Variants in SLC8A1 observed in about 807,000 individuals in gnomAD.
SLC8A1 encodes sodium/calcium exchanger 1.
Under a neutral mutation model 68.3 loss-of-function variants are expected in SLC8A1, and 18 were observed. The ratio of observed to expected loss-of-function variants is 0.26; its 90% CI spans 0.18 to 0.39. The LOEUF is 0.39. Among genes scored for constraint, SLC8A1 ranks in the 10% least tolerant of loss-of-function variants. The pLI is 1.00. For missense variants in SLC8A1, 985 were observed against 1,156.7 expected, an observed-to-expected ratio of 0.85 and a Z score of 2.15; for synonymous variants, 475 against 415.5, an observed-to-expected ratio of 1.14 and a Z score of -1.74.
chr2:40,398,791 G>C (rs1470753039), intron 2 of SLC8A1, among the ~76,000 whole-genome samples: 3 of 152,046 alleles, frequency 2.0e-5, no homozygotes, highest in Non-Finnish European at 2.9e-5. Context: ...TATAAACTAT[G>C]CTAGGATGAC....
chr2:40,169,434 C>T (rs927929660), intron 4 of SLC8A1, among the ~76,000 whole-genome samples: 2 of 152,104 alleles, frequency 1.3e-5, no homozygotes. Flanking sequence ...GTGACTGATA[C>T]AGACCCAAAT....
At chr2:40,239,212 AAGTGAACAC>A (rs1170626538) in intron 2 of SLC8A1, among the ~76,000 whole-genome samples, 17 of 152,198 alleles carry the variant, frequency 1.1e-4, no homozygotes, top group Admixed American at 7.9e-4. Flanking sequence ...TTTATTTAAA[AAGTGAACAC>A]AGTACCCCAA....
intron 7 of SLC8A1, among the ~76,000 whole-genome samples, chr2:40,135,068 C>G (rs1181374582): frequency 6.6e-6 from 1 of 152,000 alleles, no homozygotes; most frequent in Non-Finnish European, 1.5e-5. Flanking sequence ...CTAGTGCAAT[C>G]CAAAGAAAGG....
intron 7 of SLC8A1, among the ~76,000 whole-genome samples, chr2:40,123,529 A>AT (rs888135549): frequency 2.0e-5 from 3 of 151,490 alleles, no homozygotes; most frequent in Non-Finnish European, 2.9e-5. Flanking sequence ...ATGATGAACA[A>AT]TTTTTTTTTG....
intron 1 of SLC8A1, among the ~76,000 whole-genome samples, chr2:40,469,698 A>C (rs1703896985): frequency 6.6e-6 from 1 of 151,972 alleles, no homozygotes; most frequent in Non-Finnish European, 1.5e-5. Context: ...TTTTCTTTTC[A>C]TGGATTTCTC....
intron 1 of SLC8A1, among the ~76,000 whole-genome samples, chr2:40,499,825 A>G (rs1423958324): frequency 6.6e-6 from 1 of 152,122 alleles, no homozygotes; most frequent in Admixed American, 6.6e-5. Flanking sequence ...TCTGGAACAC[A>G]GTCTTTGCCT....
At chr2:40,107,285 A>AAAAAAAAAAAT (rs763206318) in exon 8 of SLC8A1, 3 of 143,422 alleles carry the variant, frequency 2.1e-5, no homozygotes, top group Non-Finnish European at 4.5e-5. Flanking sequence ...GTCTCAAAAA[A>AAAAAAAAAAAT]AAAAAAAAAA....
intron 2 of SLC8A1, among the ~76,000 whole-genome samples, chr2:40,415,777 G>C (rs1457286987): frequency 6.6e-6 from 1 of 151,640 alleles, no homozygotes; most frequent in Non-Finnish European, 1.5e-5. Flanking sequence ...CAGAGTTAGA[G>C]ACCAGGGGTG....
chr2:40,416,584 T>C (rs917618044), intron 2 of SLC8A1, among the ~76,000 whole-genome samples: 17 of 152,216 alleles, frequency 1.1e-4, no homozygotes, highest in South Asian at 4.1e-4. Context: ...AGAAAACCCA[T>C]AGATTATTTA....
chr2:40,172,624 A>C (rs904782545), intron 4 of SLC8A1, among the ~76,000 whole-genome samples: 1 of 152,168 alleles, frequency 6.6e-6, no homozygotes, highest in African/African-American at 2.4e-5. Context: ...AGGACAGTTC[A>C]AATGACATAG....
chr2:40,237,799 CTGTT>C (rs1466003908), intron 2 of SLC8A1, among the ~76,000 whole-genome samples: 4 of 152,180 alleles, frequency 2.6e-5, no homozygotes, highest in Non-Finnish European at 4.4e-5. Context: ...GACGTCCTTT[CTGTT>C]TGTTAGTTTT....
chr2:40,119,947 G>A (rs1016204274), intron 7 of SLC8A1, among the ~76,000 whole-genome samples: 1 of 152,190 alleles, frequency 6.6e-6, no homozygotes, highest in Non-Finnish European at 1.5e-5. Context: ...GTTCTTTGCA[G>A]ACCTGCCTCA....
At chr2:40,382,628 T>C (rs1218407885) in intron 2 of SLC8A1, among the ~76,000 whole-genome samples, 1 of 151,524 alleles carries the variant, frequency 6.6e-6, no homozygotes, top group East Asian at 1.9e-4. Flanking sequence ...GCAAAATATG[T>C]ATGAACTCTG....
intron 2 of SLC8A1, among the ~76,000 whole-genome samples, chr2:40,305,296 A>G (rs2072353883): frequency 6.6e-6 from 1 of 152,280 alleles, no homozygotes; most frequent in East Asian, 1.9e-4. Context: ...CGAGTTCAGC[A>G]CTGGATGTTG....
At chr2:40,471,263 C>T (rs1236843914) in intron 1 of SLC8A1, among the ~76,000 whole-genome samples, 1 of 152,022 alleles carries the variant, frequency 6.6e-6, no homozygotes, top group African/African-American at 2.4e-5. Flanking sequence ...GGCCGTGGAC[C>T]CAGGGTTTTT....
intron 2 of SLC8A1, among the ~76,000 whole-genome samples, chr2:40,281,581 C>T (rs550324832): frequency 4.6e-5 from 7 of 152,178 alleles, no homozygotes; most frequent in Non-Finnish European, 1.0e-4. Context: ...TACCTTTCCC[C>T]AGCACTGCCT....
intron 1 of SLC8A1, among the ~76,000 whole-genome samples, chr2:40,483,030 T>A (rs1375822919): frequency 2.7e-5 from 4 of 150,250 alleles, no homozygotes; most frequent in Admixed American, 2.7e-4. Context: ...GGTCTCAATC[T>A]CCTCACCTCG....
chr2:40,319,379 AT>A (rs1212227589), intron 2 of SLC8A1, among the ~76,000 whole-genome samples: 2 of 152,028 alleles, frequency 1.3e-5, no homozygotes, highest in African/African-American at 4.8e-5. Flanking sequence ...ACTTAATATC[AT>A]CAGGGTTTTT....
At chr2:40,373,381 C>T (rs1222905217) in intron 2 of SLC8A1, among the ~76,000 whole-genome samples, 1 of 152,026 alleles carries the variant, frequency 6.6e-6, no homozygotes, top group Non-Finnish European at 1.5e-5. Flanking sequence ...GTGATTAAAT[C>T]TCCCATGTTC....
Sources: gnomAD v4.1 joint callset for allele counts (sites outside exome capture counted in the v4.1 genomes callset) on GRCh38, gnomAD v4.1.1 for gene constraint, MANE v1.5 for transcripts, NCBI Gene and HGNC (gene_info 2026-07-23, HGNC 2026-07-21) for gene names.